SH3GL3: variants seen among roughly 807,000 people sequenced by gnomAD.
SH3GL3 encodes endophilin-A3.
A neutral mutation model predicts 47.7 loss-of-function variants in SH3GL3; 33 were observed. The observed-to-expected ratio is 0.69, with a 90% CI of 0.52 to 0.92. The LOEUF (loss-of-function observed/expected upper bound fraction) is 0.92, where lower values mean the gene tolerates loss of function less well. Ranked by LOEUF, SH3GL3 falls within the 40% of genes least tolerant of loss-of-function variation. The probability of loss-of-function intolerance (pLI) is 0.00; values close to 1 mark genes in which losing one functional copy is unlikely to be tolerated. For missense variants in SH3GL3, 363 were observed against 417.8 expected (o/e 0.87, Z 1.14); for synonymous variants, 155 against 148.8 (o/e 1.04, Z -0.30).
intron 1 of SH3GL3, among the ~76,000 whole-genome samples, chr15:83,512,418 G>A (rs898945805): frequency 6.6e-5 from 10 of 152,088 alleles, no homozygotes; most frequent in Middle Eastern, 3.2e-3. Context: ...CTACTCCTAG[G>A]GTGAGAAGTC....
At chr15:83,574,975 C>T (rs554322549) in intron 5 of SH3GL3, among the ~76,000 whole-genome samples, 7 of 152,306 alleles carry the variant, frequency 4.6e-5, no homozygotes, top group African/African-American at 1.7e-4. Flanking sequence ...CAGTCCATTC[C>T]TCGGGGTGAG....
intron 1 of SH3GL3, among the ~76,000 whole-genome samples, chr15:83,450,734 T>C (rs1283511816): frequency 6.8e-6 from 1 of 147,382 alleles, no homozygotes; most frequent in East Asian, 2.0e-4. Flanking sequence ...ATATGCATTA[T>C]CCTTTATTAA....
chr15:83,496,833 C>T lies in SH3GL3; in HGVS notation c.45+49255C>T, dbSNP rs532206437. ...ATTCCAGGTCAGGAGGAAAGTTCCA[C>T]TCAACTTGCTATTTCTCATCTAGCT... On this transcript the variant is annotated intron_variant, in intron 1 of 8. Coordinates refer to ENST00000427482, the MANE Select transcript of SH3GL3 (RefSeq NM_003027.5). 3.9e-5 allele frequency among the ~76,000 whole-genome samples: 6 copies of T among 152,274 alleles called. No individual in the cohort carries two copies. In the South Asian group the frequency reaches 1.2e-3, roughly 32 times the overall value.
At chr15:83,571,192 G>A (rs1262344982) in intron 4 of SH3GL3, among the ~76,000 whole-genome samples, 2 of 152,222 alleles carry the variant, frequency 1.3e-5, no homozygotes, top group African/African-American at 2.4e-5. Context: ...CCAGTCTCAG[G>A]CAAGGAGAGG....
At chr15:83,580,090 C>A (rs976252977) in intron 6 of SH3GL3, among the ~76,000 whole-genome samples, 1 of 152,218 alleles carries the variant, frequency 6.6e-6, no homozygotes, top group Non-Finnish European at 1.5e-5. Flanking sequence ...AACAACCAGG[C>A]CAGAGCTGGT....
chr15:83,554,511 G>A (rs980238257), intron 1 of SH3GL3, among the ~76,000 whole-genome samples: 1 of 151,908 alleles, frequency 6.6e-6, no homozygotes, highest in Non-Finnish European at 1.5e-5. Context: ...AGTTTAGGGA[G>A]ACAGAAAATT....
chr15:83,522,669 A>G (rs976013478), intron 1 of SH3GL3, among the ~76,000 whole-genome samples: 1 of 152,180 alleles, frequency 6.6e-6, no homozygotes, highest in Non-Finnish European at 1.5e-5. Context: ...TGAAAAGCAA[A>G]ATTACTAAAT....
chr15:83,467,702 T>A, intron 1 of SH3GL3, among the ~76,000 whole-genome samples: 1 of 152,254 alleles, frequency 6.6e-6, no homozygotes, highest in East Asian at 1.9e-4. Flanking sequence ...TTTTGCTCTT[T>A]GATTTCTCTC....
At chr15:83,550,520 G>T (rs2044609637) in intron 1 of SH3GL3, among the ~76,000 whole-genome samples, 1 of 152,112 alleles carries the variant, frequency 6.6e-6, no homozygotes, top group Non-Finnish European at 1.5e-5. Context: ...CTCCCGAGTA[G>T]CTGGGATTAC....
At position 83,618,322 on chromosome 15, in the gene SH3GL3, C is replaced by A; in HGVS notation, c.*35C>A. Reference sequence around the variant, plus strand: ...ACAAACTCTGGACATACTTTCGTAACTGAAATGAATTCACACCAGTGTGCT... The same window carrying A: ...ACAAACTCTGGACATACTTTCGTAAATGAAATGAATTCACACCAGTGTGCT... On this transcript the variant is annotated 3_prime_UTR_variant, in exon 9 of 9. Coordinates refer to ENST00000427482, the MANE Select transcript of SH3GL3 (RefSeq NM_003027.5). The A allele has an allele frequency of 7.4e-7, 1 of 1,354,710 alleles. No individual in the cohort carries two copies. Among genetic ancestry groups the A allele is most frequent in the Non-Finnish European group, 1.1e-6 (1 of 943,434 alleles). 83.9% of individuals were successfully genotyped at this position (1,354,710 alleles called of 1,614,324 possible). A position where few individuals can be genotyped will look rare whatever the true frequency, so the allele number is the denominator to read the frequency against.
intron 1 of SH3GL3, among the ~76,000 whole-genome samples, chr15:83,555,870 T>A (rs1448845055): frequency 6.6e-6 from 1 of 152,246 alleles, no homozygotes; most frequent in Non-Finnish European, 1.5e-5. Flanking sequence ...TTCATCATGT[T>A]GTGTTTCTGT....
chr15:83,450,899 C>A (rs1002442990), intron 1 of SH3GL3, among the ~76,000 whole-genome samples: 2 of 131,736 alleles, frequency 1.5e-5, no homozygotes, highest in African/African-American at 5.7e-5. Flanking sequence ...TGGTGCGCTG[C>A]ACCCACTAAA....
intron 1 of SH3GL3, among the ~76,000 whole-genome samples, chr15:83,450,550 A>G (rs943604579): frequency 1.3e-5 from 2 of 152,118 alleles, no homozygotes; most frequent in East Asian, 3.9e-4. Flanking sequence ...CAGAGAATGA[A>G]GACTCGTAAA....
In SH3GL3 at chr15:83,618,187, C is replaced by T; in HGVS notation, c.944C>T (p.Thr315Ile). 1 of 1,608,758 alleles carries T rather than the reference C, an allele frequency of 6.2e-7. No homozygotes were observed. ...AAAGAAGGGGACATCATTACATTAA[C>T]CAATCAAATAGATGAAAACTGGTAT... ...GFKEGDIITL[T>I]NQIDENWYEG... Residue 315 changes from threonine to isoleucine, a missense_variant, in exon 9 of 9, where the codon ACC (threonine) becomes ATC (isoleucine). Transcript: ENST00000427482.
intron 1 of SH3GL3, among the ~76,000 whole-genome samples, chr15:83,548,439 A>C (rs2044510678): frequency 6.6e-6 from 1 of 151,230 alleles, no homozygotes; most frequent in Admixed American, 6.6e-5. Context: ...TACACACTAC[A>C]TATATAATTT....
the SH3GL3 span, among the ~76,000 whole-genome samples, chr15:83,630,605 A>C: frequency 8.5e-5 from 13 of 152,086 alleles, no homozygotes; most frequent in African/African-American, 3.1e-4. Flanking sequence ...TGCAGGAAGA[A>C]CTATGAGCAA....
chr15:83,598,190 C>A (rs1647003601), intron 8 of SH3GL3, among the ~76,000 whole-genome samples: 1 of 152,178 alleles, frequency 6.6e-6, no homozygotes, highest in African/African-American at 2.4e-5. Context: ...TCACTCAGTA[C>A]CCCTTCCTGA....
chr15:83,515,132 C>T (rs1183812561), intron 1 of SH3GL3, among the ~76,000 whole-genome samples: 1 of 152,100 alleles, frequency 6.6e-6, no homozygotes, highest in African/African-American at 2.4e-5. Context: ...GAAAATAAGT[C>T]TGTATTGTTT....
chr15:83,506,140 T>C (rs1203751474), intron 1 of SH3GL3, among the ~76,000 whole-genome samples: 1 of 152,224 alleles, frequency 6.6e-6, no homozygotes, highest in African/African-American at 2.4e-5. Flanking sequence ...TTCCTGACTT[T>C]TGAAATCCTG....
Sources: gnomAD v4.1 joint callset for allele counts (sites outside exome capture counted in the v4.1 genomes callset) on GRCh38, gnomAD v4.1.1 for gene constraint, MANE v1.5 for transcripts, NCBI Gene and HGNC (gene_info 2026-07-23, HGNC 2026-07-21) for gene names.